Variants in KIAA1217 observed in about 807,000 individuals in gnomAD.
KIAA1217 encodes the protein sickle tail protein homolog.
Under a neutral mutation model 163.9 loss-of-function variants are expected in KIAA1217, and 88 were observed. The observed-to-expected ratio is 0.54, with a 90% CI of 0.45 to 0.64. KIAA1217 has a LOEUF of 0.64. KIAA1217 is among the 30% of genes least tolerant of loss of function. The pLI, the probability that KIAA1217 is intolerant of heterozygous loss-of-function variation, is 0.00. For synonymous variants in KIAA1217, 903 were observed against 923.1 expected (o/e 0.98, Z 0.39); for missense variants, 2,372 against 2,475.0 (o/e 0.96, Z 0.88).
intron 2 of KIAA1217, among the ~76,000 whole-genome samples, chr10:24,162,926 T>C (rs1413087033): frequency 6.6e-6 from 1 of 152,200 alleles, no homozygotes; most frequent in Non-Finnish European, 1.5e-5. Context: ...ACATAGCAGC[T>C]AGCTTTCCCC....
intron 1 of KIAA1217, among the ~76,000 whole-genome samples, chr10:23,809,168 A>G (rs1347537871): frequency 6.6e-6 from 1 of 152,118 alleles, no homozygotes; most frequent in East Asian, 1.9e-4. Context: ...GAAATTAAAT[A>G]CAGTAAAGAA....
chr10:24,323,897 GTTAA>G (rs892294329), intron 2 of KIAA1217, among the ~76,000 whole-genome samples: 2 of 151,036 alleles, frequency 1.3e-5, no homozygotes, highest in African/African-American at 4.9e-5. Context: ...ATGTATCCTA[GTTAA>G]TTAATGATAG....
At chr10:23,881,176 A>G (rs1434237431) in intron 1 of KIAA1217, among the ~76,000 whole-genome samples, 1 of 151,948 alleles carries the variant, frequency 6.6e-6, no homozygotes, top group Non-Finnish European at 1.5e-5. Flanking sequence ...ATGAAAGGTA[A>G]ACACATTTCT....
chr10:24,447,448 C>T (rs938577161), intron 5 of KIAA1217, among the ~76,000 whole-genome samples: 7 of 152,058 alleles, frequency 4.6e-5, no homozygotes, highest in African/African-American at 1.7e-4. Flanking sequence ...CAAGTGTTCT[C>T]ATTGTTCAAT....
At chr10:24,230,001 A>AATAAAAAATAAATAT (rs1264139420) in intron 2 of KIAA1217, among the ~76,000 whole-genome samples, 1 of 152,194 alleles carries the variant, frequency 6.6e-6, no homozygotes, top group Non-Finnish European at 1.5e-5. Flanking sequence ...AAAATAAATA[A>AATAAAAAATAAATAT]ATAAAATATT....
Position 24,433,159 on chromosome 10 carries a change from A to G in KIAA1217, c.718A>G (p.Ser240Gly), listed in dbSNP as rs774474032. 1.2e-6 allele frequency: 2 copies of G among 1,614,084 alleles called. No homozygotes were observed. Among genetic ancestry groups the G allele is most frequent in the South Asian group, 1.1e-5 (1 of 91,090 alleles). ...TGTCGCCATTTACATCAAAGATGAA[A>G]GCAGAAATGTCTATTATGAATTAAA... ...PSVAIYIKDESRNVYYELNDV... is the reference protein window; with the variant it reads ...PSVAIYIKDEGRNVYYELNDV... The change falls in exon 4 of 21, where the codon AGC (serine) becomes GGC (glycine). Residue 240 changes from serine (S) to glycine (G), a missense_variant. By Grantham distance (56) the Ser-to-Gly change is moderately conservative. Around this residue, in one of 3 missense-constraint regions of KIAA1217, gnomAD observed 1,431 missense variants for 1,470.3 expected, o/e 0.97. Transcript: ENST00000376454.
intron 2 of KIAA1217, among the ~76,000 whole-genome samples, chr10:24,101,197 C>T (rs902814678): frequency 6.6e-6 from 1 of 152,130 alleles, no homozygotes; most frequent in African/African-American, 2.4e-5. Flanking sequence ...TGAAGAAAAG[C>T]ACTCCTGTGT....
intron 2 of KIAA1217, among the ~76,000 whole-genome samples, chr10:24,134,347 C>A (rs564898367): frequency 2.0e-5 from 3 of 152,216 alleles, no homozygotes; most frequent in African/African-American, 7.2e-5. Context: ...TGGCTGAAGC[C>A]AAGCATGGGG....
chr10:24,108,944 G>A (rs1450355373), intron 2 of KIAA1217, among the ~76,000 whole-genome samples: 1 of 152,124 alleles, frequency 6.6e-6, no homozygotes, highest in Non-Finnish European at 1.5e-5. Context: ...CGATTCTTCT[G>A]CCTCAGCCTC....
chr10:24,135,007 G>A (rs1299535222), intron 2 of KIAA1217, among the ~76,000 whole-genome samples: 1 of 152,206 alleles, frequency 6.6e-6, no homozygotes, highest in Non-Finnish European at 1.5e-5. Context: ...CCTCAGCTTG[G>A]AGTAAGTTTG....
chr10:24,069,835 A>AT (rs1564663270), intron 2 of KIAA1217, among the ~76,000 whole-genome samples: 1 of 151,544 alleles, frequency 6.6e-6, no homozygotes, highest in African/African-American at 2.4e-5. Flanking sequence ...CTTTCTTTCC[A>AT]TTTTTTTCTT....
chr10:23,748,222 A>G (rs889169798), intron 1 of KIAA1217, among the ~76,000 whole-genome samples: 7 of 152,106 alleles, frequency 4.6e-5, no homozygotes, highest in African/African-American at 1.7e-4. Context: ...CTTGTTTCCT[A>G]GTGAACAAAA....
chr10:23,951,942 G>T (rs1589134009), intron 1 of KIAA1217, among the ~76,000 whole-genome samples: 1 of 152,110 alleles, frequency 6.6e-6, no homozygotes, highest in Admixed American at 6.5e-5. Context: ...ACATGAAGTT[G>T]TATTCACTTT....
intron 1 of KIAA1217, among the ~76,000 whole-genome samples, chr10:23,731,231 G>A (rs879820608): frequency 1.3e-5 from 2 of 152,170 alleles, no homozygotes; most frequent in African/African-American, 2.4e-5. Context: ...TACGCTGAAT[G>A]AGGTGGCTAA....
At chr10:24,235,424 A>G (rs1472068876) in intron 2 of KIAA1217, among the ~76,000 whole-genome samples, 1 of 152,250 alleles carries the variant, frequency 6.6e-6, no homozygotes, top group East Asian at 1.9e-4. Flanking sequence ...TCCATGTTTC[A>G]TTAAAGAATC....
chr10:24,132,626 G>A (rs550043909), intron 2 of KIAA1217, among the ~76,000 whole-genome samples: 2 of 152,270 alleles, frequency 1.3e-5, no homozygotes, highest in South Asian at 2.1e-4. Flanking sequence ...AGTTCTAATA[G>A]ATATGAAATT....
rs1364698967 is a variant in KIAA1217 at position 24,241,268 on chromosome 10, GA to G, written c.354+21367del. Among the ~76,000 whole-genome samples, 7 of 151,654 alleles carry G rather than the reference GA, an allele frequency of 4.6e-5. No homozygotes were observed. The East Asian group carries it at 7.8e-4, about 17-fold the overall frequency. ...ACTTTTTCTCATTTTAGGAGGCATA[GA>G]AAAAAAATGAATGTGTTATTGAAAT... is the stretch of plus-strand genomic sequence containing the variant. On this transcript the variant is annotated intron_variant, in intron 2 of 20. Transcript: ENST00000376454.
chr10:24,022,494 C>T (rs1197824922), intron 2 of KIAA1217, among the ~76,000 whole-genome samples: 2 of 151,644 alleles, frequency 1.3e-5, no homozygotes, highest in Non-Finnish European at 1.5e-5. Flanking sequence ...GAAAGAGAAA[C>T]TCATTCATTG....
intron 2 of KIAA1217, among the ~76,000 whole-genome samples, chr10:24,250,925 C>T (rs2074428794): frequency 6.6e-6 from 1 of 151,176 alleles, no homozygotes; most frequent in Admixed American, 6.6e-5. Flanking sequence ...CCTGTCTTCA[C>T]AGAAAAATGA....
Sources: allele counts gnomAD v4.1 joint callset (sites outside exome capture counted in the v4.1 genomes callset), GRCh38; gene constraint gnomAD v4.1.1; regional missense constraint gnomAD v4.1.1; transcripts MANE v1.5; gene names NCBI Gene and HGNC (gene_info 2026-07-23, HGNC 2026-07-21).